Variants in UNC13A observed in about 807,000 individuals in gnomAD.
The protein encoded by UNC13A is protein unc-13 homolog A.
UNC13A carries 61 observed loss-of-function variants against 219.7 expected under a neutral mutation model. That is an observed-to-expected ratio of 0.28 (90% CI 0.23 to 0.34). The LOEUF (loss-of-function observed/expected upper bound fraction) is 0.34. UNC13A is among the 10% of genes least tolerant of loss of function. UNC13A has a pLI of 1.00. For missense variants in UNC13A, 1,476 were observed against 2,270.3 expected (o/e 0.65, Z 7.11); for synonymous variants, 920 against 884.6 (o/e 1.04, Z -0.71).
Position 17,604,991 on chromosome 19 carries a change from C to G in UNC13A, c.*1063G>C, listed in dbSNP as rs1051290219. ...ATGGAGAAACCTGGGACCAGGGGAT[C>G]CCAAATTCTCTTTTGTGGTGGGAGG... is the stretch of plus-strand genomic sequence containing the variant. On this transcript the variant is annotated 3_prime_UTR_variant, in exon 44 of 44. Coordinates refer to ENST00000519716, the MANE Select transcript of UNC13A (RefSeq NM_001080421.3). 6.6e-6 allele frequency: 1 copy of G among 152,642 alleles called. No homozygotes were observed. Among genetic ancestry groups the G allele is most frequent in the African/African-American group, 2.4e-5 (1 of 41,442 alleles). 9.5% of individuals were successfully genotyped at this position (152,642 alleles called of 1,614,324 possible).
chr19:17,656,483 C>T (rs2079456997), intron 9 of UNC13A, 85 bp from the exon 10 acceptor site: 3 of 1,311,458 alleles, frequency 2.3e-6, no homozygotes, highest in Non-Finnish European at 2.0e-6. Context: ...TGACTCATCA[C>T]CGACTGAGCA....
At chr19:17,614,626 C>CAGTCAAACGCTGATTGGGTT (rs1273153897) in intron 41 of UNC13A, among the ~76,000 whole-genome samples, 2 of 152,010 alleles carry the variant, frequency 1.3e-5, no homozygotes, top group Non-Finnish European at 2.9e-5. Flanking sequence ...GAGGTTGGGT[C>CAGTCAAACGCTGATTGGGTT]AGTCAAACGC....
intron 43 of UNC13A, among the ~76,000 whole-genome samples, chr19:17,608,720 G>C (rs1390768064): frequency 1.3e-5 from 2 of 151,440 alleles, no homozygotes; most frequent in African/African-American, 4.9e-5. Flanking sequence ...GTTTCACCGT[G>C]TTAGCCAGGA....
At chr19:17,618,805 T>C in intron 39 of UNC13A, 101 bp downstream of exon 39, 1 of 1,133,196 alleles carries the variant, frequency 8.8e-7, no homozygotes, top group South Asian at 1.3e-5. Flanking sequence ...CTGTAATGCA[T>C]GTCATCATCC....
chr19:17,621,163 G>A (rs1190130984), intron 37 of UNC13A, among the ~76,000 whole-genome samples: 1 of 152,128 alleles, frequency 6.6e-6, no homozygotes, highest in Non-Finnish European at 1.5e-5. Context: ...CTACATACGT[G>A]CACTCCTAAA....
chr19:17,677,380 T>A (rs954758923), intron 1 of UNC13A, among the ~76,000 whole-genome samples: 1 of 144,744 alleles, frequency 6.9e-6, no homozygotes, highest in Non-Finnish European at 1.5e-5. Context: ...TTTTTTTTTT[T>A]AGGGACGGAG....
chr19:17,627,960 G>A lies in UNC13A; in HGVS notation c.3754-20C>T, dbSNP rs2076801240. ...GCAGGGCTGTGGGTGGGAACAGAGA[G>A]GGGAGTCAAGCCTCAGGACCTCTCC... On this transcript the variant is annotated intron_variant, in intron 31 of 43. Transcript: ENST00000519716. The surrounding 1 kb of genome is among the most constrained non-coding windows in gnomAD (Gnocchi z 4.7). 1 of 1,576,158 alleles carries A rather than the reference G, an allele frequency of 6.3e-7. No homozygotes were observed. Among genetic ancestry groups the A allele is most frequent in the South Asian group, 1.1e-5 (1 of 88,360 alleles).
chr19:17,676,013 T>C lies in UNC13A; in HGVS notation c.51A>G (p.Gln17=), dbSNP rs1461319898. The change falls in exon 2 of 44, where the codon CAA becomes CAG. Residue 17 remains glutamine, a splice_region_variant and synonymous_variant. Coordinates refer to ENST00000519716, the MANE Select transcript of UNC13A (RefSeq NM_001080421.3). The part of the protein sequence containing the change: ...GVKKAKFDGA[Q]EKFNTYVTLK... ...AGGACAGCAAGAGAAGCCACTTACC[T>C]TGGGCACCATCAAACTTGGCTTTTT... 6.4e-7 allele frequency: 1 copy of C among 1,551,332 alleles called. No individual in the cohort carries two copies.
rs889532688 is a variant in UNC13A, at chr19:17,663,713, A to G, written c.524-146T>C. The G allele has an allele frequency of 1.9e-5, 14 of 742,516 alleles. No individual in the cohort carries two copies. The African/African-American group carries it at 2.5e-4, about 13-fold the overall frequency. 46.0% of individuals were successfully genotyped at this position (742,516 alleles called of 1,614,324 possible). The stretch of plus-strand genomic sequence containing the variant: ...GTCCTGAGTACCTTCCCTGAGTATC[A>G]CCTTCATTGCTGACACTTGCTGTGT... On this transcript the variant is annotated intron_variant, in intron 7 of 43. Coordinates refer to ENST00000519716, the MANE Select transcript of UNC13A (RefSeq NM_001080421.3).
intron 7 of UNC13A, 119 bp downstream of exon 7, chr19:17,666,531 C>T (rs1037596782): frequency 1.6e-5 from 11 of 686,642 alleles, no homozygotes; most frequent in African/African-American, 1.5e-4. Flanking sequence ...TGTAAGTGGA[C>T]ACTGCACTCT....
chr19:17,646,158 G>A (rs1370744972), intron 17 of UNC13A, 47 bp from the exon 18 acceptor site: 1 of 1,605,778 alleles, frequency 6.2e-7, no homozygotes, highest in Non-Finnish European at 8.5e-7. Context: ...AAGAAGCGAG[G>A]CATGCTGGGG....
At chr19:17,652,100 G>C (rs10417130) in intron 12 of UNC13A, among the ~76,000 whole-genome samples, 103,031 of 151,676 alleles carry the variant, frequency 0.68, 35,903 homozygotes, top group African/African-American at 0.85. Flanking sequence ...TCCTCATAGT[G>C]TCTGCTTTAT....
chr19:17,677,581 G>T (rs762174627), intron 1 of UNC13A, among the ~76,000 whole-genome samples: 1 of 152,066 alleles, frequency 6.6e-6, no homozygotes, highest in African/African-American at 2.4e-5. Flanking sequence ...CGGCCAGGCT[G>T]GTCTCAAACT....
Position 17,624,958 on chromosome 19 carries a change from G to C in UNC13A, c.4074-6C>G. 6.2e-7 allele frequency: 1 copy of C among 1,612,626 alleles called. No homozygotes were observed. The highest frequency in any genetic ancestry group is 1.1e-5 in the South Asian group (1 of 90,960). On this transcript the variant is annotated splice_region_variant and splice_polypyrimidine_tract_variant and intron_variant, in intron 34 of 43. Transcript: ENST00000519716. ...TTTTGGCAAAGAGGGTCAGGCTGGG[G>C]ACGAGGGGCAGGTCTGAGAGAGGGC...
chr19:17,639,399 C>G, intron 24 of UNC13A, 37 bp downstream of exon 24: 10 of 1,597,966 alleles, frequency 6.3e-6, no homozygotes, highest in Non-Finnish European at 8.5e-6. Context: ...CTAGAGAACC[C>G]TCCTTGGAGA....
intron 42 of UNC13A, 76 bp downstream of exon 42, chr19:17,611,687 G>A (rs1434918506): frequency 5.3e-6 from 7 of 1,321,928 alleles, no homozygotes; most frequent in East Asian, 2.3e-5. Context: ...AACAAAAAAA[G>A]GGTGTTGCTT....
intron 30 of UNC13A, among the ~76,000 whole-genome samples, chr19:17,629,734 C>A (rs2076821196): frequency 6.6e-6 from 1 of 152,022 alleles, no homozygotes; most frequent in African/African-American, 2.4e-5. Flanking sequence ...TCAATCTCAG[C>A]ACTCACTCCA....
chr19:17,640,784 T>C, intron 21 of UNC13A, 123 bp from the exon 22 acceptor site: 1 of 1,066,072 alleles, frequency 9.4e-7, no homozygotes, highest in Non-Finnish European at 1.3e-6. Context: ...AACCATCCCC[T>C]GCCTGATTCT....
chr19:17,623,539 T>TA lies in UNC13A; in HGVS notation c.4203+2dup. The TA allele has an allele frequency of 1.4e-6, 2 of 1,456,294 alleles. No homozygotes were observed. Among genetic ancestry groups the TA allele is most frequent in the Non-Finnish European group, 1.8e-6 (2 of 1,099,152 alleles). 90.2% of individuals were successfully genotyped at this position (1,456,294 alleles called of 1,614,324 possible). On this transcript the variant is annotated splice_region_variant and intron_variant, in intron 36 of 43. Coordinates refer to ENST00000519716, the MANE Select transcript of UNC13A (RefSeq NM_001080421.3). The stretch of plus-strand genomic sequence containing the variant: ...ACAGACGGACAGACGGGACTCTACT[T>TA]ACGATCATCTGTCATCCGTGATGGG...
Sources: allele counts gnomAD v4.1 joint callset (sites outside exome capture counted in the v4.1 genomes callset), GRCh38; gene constraint gnomAD v4.1.1; non-coding constraint Gnocchi (gnomAD v3.1); transcripts MANE v1.5; gene names NCBI Gene and HGNC (gene_info 2026-07-23, HGNC 2026-07-21).